Variants in PML observed in about 807,000 individuals in gnomAD.
The protein encoded by PML is PML nuclear body scaffold.
Under a neutral mutation model 65.2 loss-of-function variants are expected in PML, and 28 were observed. That is an observed-to-expected ratio of 0.43 (90% confidence interval 0.32 to 0.59). The LOEUF (loss-of-function observed/expected upper bound fraction) is 0.59, where lower values mean the gene tolerates loss of function less well. PML is among the 20% of genes least tolerant of loss of function. The pLI is 0.08. For synonymous variants in PML, 500 were observed against 508.8 expected, an observed-to-expected ratio of 0.98 and a Z score of 0.23; for missense variants, 1,021 against 1,203.4, an observed-to-expected ratio of 0.85 and a Z score of 2.24.
At chr15:74,034,584 C>T (rs547562643) in intron 7 of PML, 54 bp downstream of exon 7, 1 of 1,614,142 alleles carries the variant, frequency 6.2e-7, no homozygotes, top group Admixed American at 1.7e-5. Flanking sequence ...ATTTCAGGTC[C>T]CAGGGGGCAC....
chr15:74,031,191 G>T, intron 4 of PML: 1 of 392,558 alleles, frequency 2.5e-6, no homozygotes. Flanking sequence ...CTGTGTCTAT[G>T]GATTTATCCA....
At chr15:74,006,250 G>A (rs2070043076) in intron 2 of PML, among the ~76,000 whole-genome samples, 1 of 152,054 alleles carries the variant, frequency 6.6e-6, no homozygotes, top group Non-Finnish European at 1.5e-5. Context: ...AATTCGCCAG[G>A]CATGGTGTCA....
chr15:74,020,287 CT>C (rs1187914506), intron 2 of PML, among the ~76,000 whole-genome samples: 32,028 of 116,204 alleles, frequency 0.28, 3,583 homozygotes, highest in Non-Finnish European at 0.32. Flanking sequence ...TGACTTATTC[CT>C]TTTTTTTTTT....
intron 2 of PML, among the ~76,000 whole-genome samples, chr15:74,006,707 GC>G (rs1379240772): frequency 6.6e-6 from 1 of 152,172 alleles, no homozygotes; most frequent in Non-Finnish European, 1.5e-5. Flanking sequence ...GGTTTATTTG[GC>G]TCATGTTCTG....
chr15:74,042,802 G>T lies in PML; in HGVS notation c.1711-187G>T, dbSNP rs963784997. Reference sequence around the variant, plus strand: ...TGGTTCATACATGTAACCCTCACATGTGACACACCCAGTTCACACCCATTC... The same window carrying T: ...TGGTTCATACATGTAACCCTCACATTTGACACACCCAGTTCACACCCATTC... On this transcript the variant is annotated intron_variant, in intron 7 of 8. Coordinates refer to ENST00000268058, the MANE Select transcript of PML (RefSeq NM_033238.3). The surrounding 1 kb of genome is among the most constrained non-coding windows in gnomAD (Gnocchi z 5.3). The T allele has an allele frequency of 3.0e-6, 3 of 985,096 alleles. No homozygotes were observed. The highest frequency in any genetic ancestry group is 3.6e-6 in the Non-Finnish European group (3 of 829,898). 61.0% of individuals were successfully genotyped at this position (985,096 alleles called of 1,614,324 possible).
intron 7 of PML, among the ~76,000 whole-genome samples, chr15:74,038,055 C>G (rs1765431151): frequency 6.6e-6 from 1 of 152,170 alleles, no homozygotes; most frequent in Non-Finnish European, 1.5e-5. Flanking sequence ...AGGGCACCCC[C>G]CTTTTGATTA....
At chr15:74,034,862 G>A (rs2071473610) in intron 7 of PML, 2 of 1,437,794 alleles carry the variant, frequency 1.4e-6, no homozygotes, top group Non-Finnish European at 1.8e-6. Flanking sequence ...GAGGAGGGCT[G>A]GACAAGAATC....
intron 4 of PML, chr15:74,028,326 G>A (rs937761329): frequency 2.6e-5 from 4 of 152,024 alleles, no homozygotes; most frequent in Non-Finnish European, 5.9e-5. Context: ...GCAGAGAAGA[G>A]GCCAGCCCGG....
intron 4 of PML, among the ~76,000 whole-genome samples, chr15:74,030,544 G>C (rs1333444887): frequency 6.6e-6 from 1 of 152,168 alleles, no homozygotes; most frequent in Middle Eastern, 3.2e-3. Flanking sequence ...AGCTACTTAG[G>C]AGGCTAAGGC....
chr15:73,997,559 C>T (rs1310087144), intron 1 of PML, among the ~76,000 whole-genome samples: 2 of 152,106 alleles, frequency 1.3e-5, no homozygotes, highest in Non-Finnish European at 1.5e-5. Context: ...CATTGTTGTA[C>T]AAGTATCTGT....
intron 1 of PML, 88 bp from the exon 2 acceptor site, chr15:73,997,916 C>A: frequency 8.8e-7 from 1 of 1,133,728 alleles, no homozygotes; most frequent in Non-Finnish European, 1.3e-6. Context: ...TGAGGTCCTA[C>A]TCCAGGGTCC....
In PML at chr15:74,044,415, A is replaced by T. The variant is rs752841570; in HGVS notation, c.2056A>T (p.Asn686Tyr). The stretch of plus-strand genomic sequence containing the variant: ...CAAGCTGTGGGGGCCTGGCCTCCCA[A>T]ACTTCTTCCGGGCCCTGGAGGACAT... ...CYKLWGPGLP[N>Y]FFRALEDINR... The change falls in exon 9 of 9, where the codon AAC becomes TAC. Residue 686 changes from asparagine (N) to tyrosine (Y), a missense_variant. Physicochemically the swap from Asn to Tyr is moderately radical, Grantham distance 143. Transcript: ENST00000268058. 1 of 1,614,074 alleles carries T rather than the reference A, an allele frequency of 6.2e-7. No individual in the cohort carries two copies. Among genetic ancestry groups the T allele is most frequent in the South Asian group, 1.1e-5 (1 of 91,074 alleles).
chr15:73,997,964 G>A, intron 1 of PML, 40 bp from the exon 2 acceptor site: 9 of 1,579,322 alleles, frequency 5.7e-6, no homozygotes, highest in Non-Finnish European at 7.8e-6. Flanking sequence ...GGGGGCTTTT[G>A]GGACTTCTCC....
At chr15:74,022,780 G>A (rs780855036) in intron 2 of PML, 48 bp from the exon 3 acceptor site, 19 of 1,483,390 alleles carry the variant, frequency 1.3e-5, no homozygotes, top group Non-Finnish European at 1.8e-5. Context: ...GTTTTAAGAG[G>A]AAAAAGTCAG....
chr15:74,044,140 G>T, intron 8 of PML, 81 bp from the exon 9 acceptor site: 3 of 1,393,086 alleles, frequency 2.2e-6, no homozygotes, highest in Non-Finnish European at 2.0e-6. Flanking sequence ...TGGTGAGTCA[G>T]CAGCCCTAGA....
rs141224194 is a variant in PML, at chr15:74,036,111, G to C, written c.1710+1581G>C. 16 of 1,612,806 alleles carry C rather than the reference G, an allele frequency of 9.9e-6. 1 individual carries two copies. The East Asian group carries it at 3.6e-4, about 36-fold the overall frequency. On this transcript the variant is annotated intron_variant, in intron 7 of 8. Coordinates refer to ENST00000268058, the MANE Select transcript of PML (RefSeq NM_033238.3). Reference sequence around the variant, plus strand: ...AATGAATGGCTATGCATGGACCTCTGGGCAGGGAGACCTGGGTCTTCTCTG... The same window carrying C: ...AATGAATGGCTATGCATGGACCTCTCGGCAGGGAGACCTGGGTCTTCTCTG...
chr15:74,035,161 G>A lies in PML; in HGVS notation c.1710+631G>A. On this transcript the variant is annotated intron_variant, in intron 7 of 8. Transcript: ENST00000268058. This position sits in a 1 kb window ranked among gnomAD's most constrained non-coding sequence, Gnocchi z 4.1. ...CTTCCAGCCCTCAGTCTGAGGTTCT[G>A]TATTGGAAAGTGCATGGAGCCCATG... The A allele has an allele frequency of 8.3e-7, 1 of 1,209,182 alleles. No homozygotes were observed. Among genetic ancestry groups the A allele is most frequent in the Non-Finnish European group, 1.2e-6 (1 of 811,446 alleles). 74.9% of individuals were successfully genotyped at this position (1,209,182 alleles called of 1,614,324 possible).
chr15:74,024,516 A>G (rs142084328), intron 3 of PML, among the ~76,000 whole-genome samples: 88 of 152,342 alleles, frequency 5.8e-4, no homozygotes, highest in Middle Eastern at 3.4e-3. Context: ...CTCTCACTAT[A>G]TGTAGAGAGT....
In PML at chr15:74,006,390, C is replaced by CA. The variant is rs372202858; in HGVS notation, c.602+7934dup. ...TGGGCGACAGAGCGAGACTCCGTCT[C>CA]AAAAAAAAAAAAAAAAAAAAGAAAG... On this transcript the variant is annotated intron_variant, in intron 2 of 8. Transcript: ENST00000268058. Among the ~76,000 whole-genome samples, 871 of 87,232 alleles carry CA rather than the reference C, an allele frequency of 1.0e-2. 25 individuals carry two copies. Among genetic ancestry groups the CA allele is most frequent in the African/African-American group, 0.034 (705 of 21,002 alleles). 57.2% of individuals were successfully genotyped at this position (87,232 alleles called of 152,430 possible). A position where few individuals can be genotyped will look rare whatever the true frequency, so the allele number is the denominator to read the frequency against.
Sources: gnomAD v4.1 joint callset for allele counts (sites outside exome capture counted in the v4.1 genomes callset) on GRCh38, gnomAD v4.1.1 for gene constraint, Gnocchi (gnomAD v3.1) non-coding constraint, MANE v1.5 for transcripts, NCBI Gene and HGNC (gene_info 2026-07-23, HGNC 2026-07-21) for gene names.